Variants in PWP1 observed in about 807,000 individuals in gnomAD.
The protein encoded by PWP1 is periodic tryptophan protein 1 homolog.
A neutral mutation model predicts 69.9 loss-of-function variants in PWP1; 47 were observed. That is an observed-to-expected ratio of 0.67 (90% CI 0.53 to 0.86). PWP1 has a LOEUF of 0.86. Among genes scored for constraint, PWP1 ranks in the 40% least tolerant of loss-of-function variants. The probability of loss-of-function intolerance (pLI) is 0.00; values close to 1 mark genes in which losing one functional copy is unlikely to be tolerated. For synonymous variants in PWP1, 222 were observed against 208.2 expected (o/e 1.07, Z -0.57); for missense variants, 551 against 608.8 (o/e 0.91, Z 1.00).
intron 11 of PWP1, among the ~76,000 whole-genome samples, chr12:107,707,828 C>T (rs185226429): frequency 7.9e-5 from 12 of 151,964 alleles, no homozygotes; most frequent in Non-Finnish European, 1.0e-4. Context: ...ATTTTTGCAT[C>T]GATGTTCTTC....
At chr12:107,703,653 G>A (rs1889757221) in intron 9 of PWP1, 32 bp from the exon 10 acceptor site, 5 of 1,558,252 alleles carry the variant, frequency 3.2e-6, no homozygotes, top group Non-Finnish European at 4.4e-6. Context: ...CAAACCAACA[G>A]AGATCTCTGC....
intron 3 of PWP1, among the ~76,000 whole-genome samples, chr12:107,690,712 C>T (rs939881555): frequency 6.6e-6 from 1 of 152,088 alleles, no homozygotes; most frequent in Admixed American, 6.5e-5. Context: ...CCGCCTGCCT[C>T]GGCCTGAAAA....
chr12:107,703,836 A>G (rs1469113284), intron 10 of PWP1, 90 bp downstream of exon 10: 7 of 1,190,806 alleles, frequency 5.9e-6, no homozygotes, highest in East Asian at 2.3e-5. Flanking sequence ...GGCAGAATGT[A>G]TCCTTGAGGC....
Position 107,688,374 on chromosome 12 carries a change from C to G in PWP1, c.73-74C>G, listed in dbSNP as rs950413082. On this transcript the variant is annotated intron_variant, in intron 1 of 14. Transcript: ENST00000412830. ...TGGCGTTACATTTTACATTTGTTTGCAAACTACTTTTTAATTCAAATAATT... is the reference window on the plus strand; with the variant it reads ...TGGCGTTACATTTTACATTTGTTTGGAAACTACTTTTTAATTCAAATAATT... 27 of 1,386,094 alleles carry G rather than the reference C, an allele frequency of 1.9e-5. No homozygotes were observed. In the African/African-American group the frequency reaches 3.5e-4, roughly 18 times the overall value. The allele number at this position is 1,386,094 out of a possible 1,614,324, so 85.9% of individuals were successfully genotyped here. A position where few individuals can be genotyped will look rare whatever the true frequency, so the allele number is the denominator to read the frequency against.
At chr12:107,707,989 T>C (rs1035912635) in intron 11 of PWP1, among the ~76,000 whole-genome samples, 8 of 152,168 alleles carry the variant, frequency 5.3e-5, no homozygotes, top group Non-Finnish European at 1.0e-4. Context: ...GTAAGATTCA[T>C]GAAGTAATGA....
At chr12:107,700,571 C>T (rs1439575368) in intron 8 of PWP1, among the ~76,000 whole-genome samples, 2 of 152,142 alleles carry the variant, frequency 1.3e-5, no homozygotes, top group African/African-American at 2.4e-5. Context: ...CGTTCATTTA[C>T]GTGTGGTCAC....
intron 8 of PWP1, among the ~76,000 whole-genome samples, chr12:107,701,501 A>C (rs1889709727): frequency 1.3e-5 from 2 of 152,156 alleles, no homozygotes; most frequent in African/African-American, 4.8e-5. Flanking sequence ...GTATCTAGCA[A>C]ACCATCGCTT....
At position 107,708,965 on chromosome 12, in the gene PWP1, C is replaced by T. The variant is rs748230828; in HGVS notation, c.1117C>T (p.Arg373Cys). 1.4e-5 allele frequency: 22 copies of T among 1,613,776 alleles called. No homozygotes were observed. The highest frequency in any genetic ancestry group is 5.3e-5 in the African/African-American group (4 of 74,994). Reference sequence around the variant, plus strand: ...CGGCTTTGTATATAATTTGGATGCACGTTCAGATAAGCCAATTTTTACACT... The same window carrying T: ...CGGCTTTGTATATAATTTGGATGCATGTTCAGATAAGCCAATTTTTACACT... ...DDGFVYNLDA[R>C]SDKPIFTLNA... Residue 373 changes from arginine to cysteine, a missense_variant, in exon 12 of 15, where the codon CGT (arginine) becomes TGT (cysteine). By Grantham distance (180) the Arg-to-Cys change is radical. Transcript: ENST00000412830.
chr12:107,688,236 T>C (rs2136269401), intron 1 of PWP1, among the ~76,000 whole-genome samples: 1 of 152,154 alleles, frequency 6.6e-6, no homozygotes, highest in African/African-American at 2.4e-5. Context: ...AGAATGAGCA[T>C]GATTTTTGAA....
At chr12:107,705,672 C>T (rs1889808727) in intron 11 of PWP1, among the ~76,000 whole-genome samples, 2 of 151,974 alleles carry the variant, frequency 1.3e-5, no homozygotes, top group African/African-American at 4.8e-5. Context: ...TGGTTTCCAG[C>T]TTCATCCATG....
At chr12:107,703,895 T>C (rs1466522468) in intron 10 of PWP1, 149 bp downstream of exon 10, 5 of 702,164 alleles carry the variant, frequency 7.1e-6, no homozygotes, top group South Asian at 1.8e-5. Flanking sequence ...CTTTTAACTC[T>C]GGTCCTTTCA....
intron 9 of PWP1, 54 bp downstream of exon 9, chr12:107,703,085 G>T: frequency 7.8e-7 from 1 of 1,284,716 alleles, no homozygotes; most frequent in Non-Finnish European, 1.1e-6. Flanking sequence ...ACAAATATTG[G>T]CTAAAAATAA....
intron 11 of PWP1, among the ~76,000 whole-genome samples, chr12:107,708,217 G>A (rs1889867041): frequency 6.6e-6 from 1 of 152,192 alleles, no homozygotes; most frequent in African/African-American, 2.4e-5. Flanking sequence ...AGGGAAGTGA[G>A]AGGTTAAAGT....
Position 107,685,838 on chromosome 12 carries a change from C to A in PWP1, c.-62C>A, listed in dbSNP as rs755934299. ...GATCCCTGAGCGTGTGGCAGCAGTGCGGTCGTGGTCCCTCCCTATGCAGCC... is the reference window on the plus strand; with the variant it reads ...GATCCCTGAGCGTGTGGCAGCAGTGAGGTCGTGGTCCCTCCCTATGCAGCC... On this transcript the variant is annotated 5_prime_UTR_variant, in exon 1 of 15. Coordinates refer to ENST00000412830, the MANE Select transcript of PWP1 (RefSeq NM_007062.3). 7 of 1,558,474 alleles carry A rather than the reference C, an allele frequency of 4.5e-6. No homozygotes were observed. Among genetic ancestry groups the A allele is most frequent in the South Asian group, 1.1e-5 (1 of 89,806 alleles).
Position 107,693,095 on chromosome 12 carries a change from T to A in PWP1, c.501T>A (p.His167Gln). The change falls in exon 5 of 15, where the codon CAT becomes CAA. Residue 167 changes from histidine to glutamine, a missense_variant and splice_region_variant. By Grantham distance (24) the His-to-Gln change is conservative. Coordinates refer to ENST00000412830, the MANE Select transcript of PWP1 (RefSeq NM_007062.3). Reference sequence around the variant, plus strand: ...AGGACCAGTGCAATTTAGAGGTGCATGGTAAGTGATAAATCCCTTATTAAA... The same window carrying A: ...AGGACCAGTGCAATTTAGAGGTGCAAGGTAAGTGATAAATCCCTTATTAAA... The part of the protein sequence containing the change: ...AEQDQCNLEV[H>Q]VYNQEEDSFY... 1 of 1,597,788 alleles carries A rather than the reference T, an allele frequency of 6.3e-7. No individual in the cohort carries two copies. Among genetic ancestry groups the A allele is most frequent in the Non-Finnish European group, 8.5e-7 (1 of 1,174,216 alleles).
At position 107,698,894 on chromosome 12, in the gene PWP1, T is replaced by C. The variant is rs138941787; in HGVS notation, c.745-479T>C. Among the ~76,000 whole-genome samples the C allele has an allele frequency of 5.4e-3, 823 of 152,342 alleles. 7 individuals are homozygous for C. The highest frequency in any genetic ancestry group is 0.018 in the African/African-American group (769 of 41,582). ...AGTGTGGGCCGCTGCACCCAGCCCCTGTAATGAAATTAATCATGAGTCTCT... is the reference window on the plus strand; with the variant it reads ...AGTGTGGGCCGCTGCACCCAGCCCCCGTAATGAAATTAATCATGAGTCTCT... On this transcript the variant is annotated intron_variant, in intron 7 of 14. Coordinates refer to ENST00000412830, the MANE Select transcript of PWP1 (RefSeq NM_007062.3).
chr12:107,696,545 G>C lies in PWP1; in HGVS notation c.574G>C (p.Glu192Gln), dbSNP rs1275466532. The C allele has an allele frequency of 1.9e-6, 3 of 1,613,956 alleles. No homozygotes were observed. Among genetic ancestry groups the C allele is most frequent in the South Asian group, 1.1e-5 (1 of 91,088 alleles). The change falls in exon 6 of 15, where the codon GAA (glutamate) becomes CAA (glutamine). Residue 192 changes from glutamate to glutamine, a missense_variant. Physicochemically the swap from Glu to Gln is conservative, Grantham distance 29. Coordinates refer to ENST00000412830, the MANE Select transcript of PWP1 (RefSeq NM_007062.3). Reference protein sequence around the residue: ...ILLSAYPLSVEWLNFDPSPDD... With the variant: ...ILLSAYPLSVQWLNFDPSPDD... The stretch of plus-strand genomic sequence containing the variant: ...CTTGTCTGCATATCCTCTGAGTGTG[G>C]AATGGCTGAATTTTGATCCTAGCCC...
In PWP1 at chr12:107,688,656, C is replaced by T. The variant is rs371508932; in HGVS notation, c.173C>T (p.Pro58Leu). Residue 58 changes from proline to leucine, a missense_variant, in exon 3 of 15, where the codon CCT becomes CTT. Coordinates refer to ENST00000412830, the MANE Select transcript of PWP1 (RefSeq NM_007062.3). ...GGSDEEETGS[P>L]SEDGMQSART... The stretch of plus-strand genomic sequence containing the variant: ...AGTGATGAAGAGGAGACAGGCAGTC[C>T]TTCAGAAGATGGCATGCAGAGTGCA... The T allele has an allele frequency of 3.7e-6, 6 of 1,614,170 alleles. No homozygotes were observed. The highest frequency in any genetic ancestry group is 5.1e-6 in the Non-Finnish European group (6 of 1,180,014).
chr12:107,704,560 A>G, intron 10 of PWP1, 76 bp from the exon 11 acceptor site: 1 of 980,088 alleles, frequency 1.0e-6, no homozygotes, highest in Middle Eastern at 2.1e-4. Flanking sequence ...GTGCTATTTT[A>G]TTACTATTTC....
Sources: allele counts gnomAD v4.1 joint callset (sites outside exome capture counted in the v4.1 genomes callset), GRCh38; gene constraint gnomAD v4.1.1; transcripts MANE v1.5; gene names NCBI Gene and HGNC (gene_info 2026-07-23, HGNC 2026-07-21).